Variants in VAX2 observed in about 807,000 individuals in gnomAD.
VAX2 encodes ventral anterior homeobox 2.
In VAX2, 8 loss-of-function variants were observed where a neutral mutation model predicts 12.5. The observed-to-expected ratio is 0.64, with a 90% CI of 0.37 to 1.15. The LOEUF (loss-of-function observed/expected upper bound fraction) is 1.15, where lower values mean the gene tolerates loss of function less well. Ranked by LOEUF, VAX2 falls within the 50% of genes most tolerant of loss-of-function variation. VAX2 has a pLI of 0.01. For missense variants in VAX2, 476 were observed against 412.9 expected, an observed-to-expected ratio of 1.15 and a Z score of -1.32; for synonymous variants, 183 against 187.6, an observed-to-expected ratio of 0.98 and a Z score of 0.20.
At chr2:70,907,926 A>T (rs1232551392) in intron 1 of VAX2, among the ~76,000 whole-genome samples, 1 of 152,234 alleles carries the variant, frequency 6.6e-6, no homozygotes, top group Non-Finnish European at 1.5e-5. Flanking sequence ...TCTCTGCTGA[A>T]CCAGTTCTTG....
At chr2:70,927,279 C>A (rs1463099472) in intron 2 of VAX2, among the ~76,000 whole-genome samples, 1 of 151,826 alleles carries the variant, frequency 6.6e-6, no homozygotes, top group African/African-American at 2.4e-5. Flanking sequence ...CAGGACTCCC[C>A]TCCTGCAGCT....
At chr2:70,907,023 C>A (rs528933342) in intron 1 of VAX2, among the ~76,000 whole-genome samples, 1 of 152,236 alleles carries the variant, frequency 6.6e-6, no homozygotes, top group East Asian at 1.9e-4. Context: ...AATTCATCAA[C>A]ATGGCATAAT....
In VAX2 at chr2:70,932,853, C is replaced by T. The variant is rs372067757; in HGVS notation, c.522C>T (p.Ser174=). 15 of 1,613,468 alleles carry T rather than the reference C, an allele frequency of 9.3e-6. No homozygotes were observed. Among genetic ancestry groups the T allele is most frequent in the African/African-American group, 6.7e-5 (5 of 74,848 alleles). Residue 174 remains serine, a synonymous_variant, in exon 3 of 3, where the codon TCC becomes TCT. Coordinates refer to ENST00000234392, the MANE Select transcript of VAX2 (RefSeq NM_012476.3). ...DLEKRASSSA[S]EAFATSNILR... ...AGAAGCGGGCGTCCTCCTCAGCCTC[C>T]GAGGCCTTTGCCACCTCCAACATTC...
rs563710033 is a variant in VAX2 at position 70,911,266 on chromosome 2, C to T, written c.248-9832C>T. On this transcript the variant is annotated intron_variant, in intron 1 of 2. Transcript: ENST00000234392. ...CACTTAGTAGTATACAATAAACATC[C>T]ATCCAGGTTATGTGTCTCATTCTTG... 1.3e-4 allele frequency among the ~76,000 whole-genome samples: 20 copies of T among 152,200 alleles called. No individual in the cohort carries two copies. The East Asian group carries it at 3.7e-3, about 28-fold the overall frequency.
At chr2:70,905,475 A>C (rs1291806898) in intron 1 of VAX2, among the ~76,000 whole-genome samples, 2 of 148,660 alleles carry the variant, frequency 1.3e-5, no homozygotes, top group African/African-American at 2.5e-5. Flanking sequence ...CCCTTCCATA[A>C]CCCTTACCCC....
intron 1 of VAX2, among the ~76,000 whole-genome samples, chr2:70,906,260 T>C (rs535556288): frequency 1.3e-5 from 2 of 152,306 alleles, no homozygotes; most frequent in East Asian, 3.9e-4. Context: ...GGGGTTTCAG[T>C]GTCCTGGGTT....
At chr2:70,928,062 C>T (rs1199955802) in intron 2 of VAX2, among the ~76,000 whole-genome samples, 1 of 152,152 alleles carries the variant, frequency 6.6e-6, no homozygotes, top group Non-Finnish European at 1.5e-5. Flanking sequence ...GAGGATGAAC[C>T]TGAGATGGAA....
intron 2 of VAX2, among the ~76,000 whole-genome samples, chr2:70,928,259 TCA>T (rs1345429355): frequency 6.6e-6 from 1 of 152,212 alleles, no homozygotes; most frequent in Non-Finnish European, 1.5e-5. Flanking sequence ...CTTCTTACTC[TCA>T]CCCTTGAAGT....
chr2:70,929,250 A>G (rs536549235), intron 2 of VAX2, among the ~76,000 whole-genome samples: 1 of 152,354 alleles, frequency 6.6e-6, no homozygotes, highest in East Asian at 1.9e-4. Flanking sequence ...CATTCCATTA[A>G]CAAAACAGTC....
chr2:70,928,387 A>G (rs1553413833), intron 2 of VAX2, among the ~76,000 whole-genome samples: 3 of 152,310 alleles, frequency 2.0e-5, no homozygotes, highest in African/African-American at 7.2e-5. Flanking sequence ...AGGCCCGGAC[A>G]TCATCCCAGA....
intron 2 of VAX2, among the ~76,000 whole-genome samples, chr2:70,927,101 G>T (rs1330719560): frequency 6.6e-6 from 1 of 152,178 alleles, no homozygotes; most frequent in Non-Finnish European, 1.5e-5. Flanking sequence ...AGCCAAGAGG[G>T]TCAAAATGGA....
chr2:70,918,400 G>A (rs1402855240), intron 1 of VAX2, among the ~76,000 whole-genome samples: 1 of 152,200 alleles, frequency 6.6e-6, no homozygotes, highest in Non-Finnish European at 1.5e-5. Context: ...GAGGGGCTCA[G>A]GGTAACCCTC....
rs781980710 is a variant in VAX2, at chr2:70,932,978, G to A, written c.647G>A (p.Gly216Asp). The change falls in exon 3 of 3, where the codon GGC becomes GAC. Residue 216 changes from glycine (G) to aspartate (D), a missense_variant. Transcript: ENST00000234392. ...CCAGGCCTACCTGCCAGCCACAGGG[G>A]CACCTCCTTAGGTGACCCCAGGAAC... ...SLPGLPASHR[G>D]TSLGDPRNSS... 2 of 1,610,716 alleles carry A rather than the reference G, an allele frequency of 1.2e-6. No homozygotes were observed. The highest frequency in any genetic ancestry group is 1.7e-6 in the Non-Finnish European group (2 of 1,178,150).
At chr2:70,911,449 A>G (rs1679182476) in intron 1 of VAX2, among the ~76,000 whole-genome samples, 1 of 152,176 alleles carries the variant, frequency 6.6e-6, no homozygotes, top group Non-Finnish European at 1.5e-5. Flanking sequence ...TTTCTGTGTG[A>G]TAGAAAGCTC....
chr2:70,923,018 A>AGTGT lies in VAX2; in HGVS notation c.435+1747_435+1750dup, dbSNP rs3836140. 9.4e-3 allele frequency among the ~76,000 whole-genome samples: 1,417 copies of AGTGT among 151,136 alleles called. 36 individuals carry two copies. The highest frequency in any genetic ancestry group is 0.028 in the African/African-American group (1,145 of 41,266). ...CATGGCGTGACCTGGAGAGACAGAT[A>AGTGT]GTGTGTGTGTGTGTGTGCACGTGTG... On this transcript the variant is annotated intron_variant, in intron 2 of 2. Transcript: ENST00000234392.
rs34964280 is a variant in VAX2, at chr2:70,914,803, A to ATT, written c.248-6279_248-6278dup. Among the ~76,000 whole-genome samples, 1,253 of 140,664 alleles carry ATT rather than the reference A, an allele frequency of 8.9e-3. 13 individuals carry two copies. Among genetic ancestry groups the ATT allele is most frequent in the South Asian group, 0.017 (71 of 4,262 alleles). 92.3% of individuals were successfully genotyped at this position (140,664 alleles called of 152,430 possible). ...TTATTTTATCAGGCTATTTACTTAA[A>ATT]TTTTTTTTTTTTTTTTTGAGACAGA... On this transcript the variant is annotated intron_variant, in intron 1 of 2. Transcript: ENST00000234392.
chr2:70,901,032 C>T (rs549699162), intron 1 of VAX2, among the ~76,000 whole-genome samples, 164 bp downstream of exon 1: 2 of 152,364 alleles, frequency 1.3e-5, no homozygotes, highest in South Asian at 2.1e-4. Flanking sequence ...GTGTGCTGGA[C>T]ATTAAGCTGA....
intron 1 of VAX2, among the ~76,000 whole-genome samples, chr2:70,914,987 G>A (rs1207248797): frequency 6.6e-6 from 1 of 152,022 alleles, no homozygotes; most frequent in Admixed American, 6.6e-5. Context: ...TTTTAGTAAA[G>A]AAGAGGTTTC....
intron 1 of VAX2, among the ~76,000 whole-genome samples, chr2:70,920,392 CTG>C (rs1322535507): frequency 3.9e-5 from 6 of 152,120 alleles, no homozygotes; most frequent in Non-Finnish European, 8.8e-5. Flanking sequence ...TGGAGGCCCT[CTG>C]TGCGGAGGGC....
Sources: allele counts gnomAD v4.1 joint callset (sites outside exome capture counted in the v4.1 genomes callset), GRCh38; gene constraint gnomAD v4.1.1; transcripts MANE v1.5; gene names NCBI Gene and HGNC (gene_info 2026-07-23, HGNC 2026-07-21).